Variants in DOCK7 observed in about 807,000 individuals in gnomAD.
DOCK7 encodes the protein dedicator of cytokinesis protein 7.
A neutral mutation model predicts 271.0 loss-of-function variants in DOCK7; 138 were observed. The ratio of observed to expected loss-of-function variants is 0.51; its 90% confidence interval spans 0.44 to 0.59. The LOEUF is 0.59. Among genes scored for constraint, DOCK7 ranks in the 20% least tolerant of loss-of-function variants. DOCK7 has a pLI of 0.00. For synonymous variants in DOCK7, 823 were observed against 876.1 expected (o/e 0.94, Z 1.07); for missense variants, 2,066 against 2,592.4 (o/e 0.80, Z 4.41).
rs557457188 is a variant in DOCK7, at chr1:62,515,226, C to T, written c.3937-1328G>A. On this transcript the variant is annotated intron_variant, in intron 31 of 49. Coordinates refer to ENST00000635253, the MANE Select transcript of DOCK7 (RefSeq NM_001367561.1). ...AACACAGAAAGTGTGGCTCCCGAGACACAAGCTCCAAGCTCATATCCACTT... is the reference window on the plus strand; with the variant it reads ...AACACAGAAAGTGTGGCTCCCGAGATACAAGCTCCAAGCTCATATCCACTT... 9.2e-5 allele frequency among the ~76,000 whole-genome samples: 14 copies of T among 151,666 alleles called. No individual in the cohort carries two copies. In the South Asian group the frequency reaches 2.9e-3, roughly 32 times the overall value.
chr1:62,593,055 TA>T (rs1648694665), intron 14 of DOCK7, among the ~76,000 whole-genome samples: 1 of 152,278 alleles, frequency 6.6e-6, no homozygotes, highest in South Asian at 2.1e-4. Context: ...GTGGTAACTC[TA>T]TAGACATTCA....
intron 18 of DOCK7, among the ~76,000 whole-genome samples, chr1:62,574,028 C>A (rs1646867513): frequency 6.6e-6 from 1 of 152,096 alleles, no homozygotes; most frequent in Non-Finnish European, 1.5e-5. Flanking sequence ...CTGTAAGGAA[C>A]GGCATTTTGA....
chr1:62,545,457 C>T (rs571818965), intron 22 of DOCK7, among the ~76,000 whole-genome samples: 111 of 152,170 alleles, frequency 7.3e-4, no homozygotes, highest in African/African-American at 2.6e-3. Flanking sequence ...ACTTTAATTT[C>T]ATTCCATCTC....
intron 18 of DOCK7, among the ~76,000 whole-genome samples, chr1:62,570,263 C>G (rs1646726974): frequency 6.6e-6 from 1 of 152,050 alleles, no homozygotes; most frequent in Non-Finnish European, 1.5e-5. Context: ...CAACAACAGA[C>G]AAGAAAAGAG....
intron 8 of DOCK7, 76 bp downstream of exon 8, chr1:62,636,461 T>C (rs1034959982): frequency 1.6e-5 from 19 of 1,167,216 alleles, no homozygotes; most frequent in African/African-American, 1.6e-4. Flanking sequence ...TCAAAAAAAA[T>C]CAATCTTATA....
chr1:62,612,688 G>A (rs1382221128), intron 14 of DOCK7, among the ~76,000 whole-genome samples: 1 of 152,066 alleles, frequency 6.6e-6, no homozygotes, highest in African/African-American at 2.4e-5. Flanking sequence ...AGAGAAAATA[G>A]ATTTACTAAA....
chr1:62,610,606 T>A (rs1265761132), intron 14 of DOCK7, among the ~76,000 whole-genome samples: 1 of 152,102 alleles, frequency 6.6e-6, no homozygotes, highest in African/African-American at 2.4e-5. Context: ...CCTAATGCTA[T>A]CCCTCCCCTA....
chr1:62,592,863 G>A (rs995815566), intron 14 of DOCK7, among the ~76,000 whole-genome samples: 1 of 152,088 alleles, frequency 6.6e-6, no homozygotes, highest in South Asian at 2.1e-4. Flanking sequence ...AAAAGCAATC[G>A]TAAGTTACAA....
chr1:62,672,124 T>A (rs1390630323), intron 1 of DOCK7, among the ~76,000 whole-genome samples: 10 of 152,148 alleles, frequency 6.6e-5, no homozygotes, highest in Non-Finnish European at 1.2e-4. Context: ...CCAGTCTTAT[T>A]CCCTAGATGT....
At chr1:62,631,486 A>G in intron 10 of DOCK7, 81 bp from the exon 11 acceptor site, 1 of 1,224,612 alleles carries the variant, frequency 8.2e-7, no homozygotes, top group Non-Finnish European at 1.1e-6. Context: ...CATAAAGGAA[A>G]AGGATGAGAA....
At chr1:62,478,648 G>A (rs1457758239) in intron 43 of DOCK7, 2 of 152,064 alleles carry the variant, frequency 1.3e-5, no homozygotes, top group African/African-American at 4.8e-5. Context: ...CCTGGCCTCA[G>A]GTGATCTACC....
Position 62,629,904 on chromosome 1 carries a change from A to G in DOCK7, c.1282+1336T>C, listed in dbSNP as rs140580571. 6.8e-4 allele frequency among the ~76,000 whole-genome samples: 104 copies of G among 152,362 alleles called. No individual in the cohort carries two copies. The East Asian group carries it at 0.019, about 28-fold the overall frequency. The stretch of plus-strand genomic sequence containing the variant: ...ATATTAAACATTCAAATAAATGTGC[A>G]CTGTACATACATTTAAGAAAGATTA... On this transcript the variant is annotated intron_variant, in intron 11 of 49. Transcript: ENST00000635253.
chr1:62,646,396 A>C (rs1301075767), intron 7 of DOCK7, among the ~76,000 whole-genome samples: 1 of 152,160 alleles, frequency 6.6e-6, no homozygotes, highest in Non-Finnish European at 1.5e-5. Flanking sequence ...GAAATGTATC[A>C]TCCCCCAAAA....
At chr1:62,600,970 T>C (rs923048608) in intron 14 of DOCK7, 16 of 710,628 alleles carry the variant, frequency 2.3e-5, no homozygotes, top group African/African-American at 1.6e-4. Context: ...TCAAACACCG[T>C]TATAACATTA....
At chr1:62,667,845 C>T (rs1659495207) in intron 1 of DOCK7, among the ~76,000 whole-genome samples, 1 of 152,118 alleles carries the variant, frequency 6.6e-6, no homozygotes, top group South Asian at 2.1e-4. Flanking sequence ...TGGTGAAACC[C>T]CGTCTCTACG....
intron 22 of DOCK7, among the ~76,000 whole-genome samples, chr1:62,545,855 A>G (rs565614433): frequency 1.3e-5 from 2 of 152,260 alleles, no homozygotes; most frequent in East Asian, 3.9e-4. Flanking sequence ...TCTATTTCCT[A>G]AAACTGACTG....
At chr1:62,469,643 G>A (rs1645773459) in intron 48 of DOCK7, among the ~76,000 whole-genome samples, 1 of 152,206 alleles carries the variant, frequency 6.6e-6, no homozygotes, top group Non-Finnish European at 1.5e-5. Context: ...CAGAGTGGGA[G>A]AAAATCTTCA....
At chr1:62,593,736 A>G (rs1396187023) in intron 14 of DOCK7, among the ~76,000 whole-genome samples, 1 of 152,188 alleles carries the variant, frequency 6.6e-6, no homozygotes, top group Non-Finnish European at 1.5e-5. Context: ...ACACTGTCCA[A>G]AAAGACGGTC....
At position 62,655,430 on chromosome 1, in the gene DOCK7, T is replaced by C. The variant is rs1254146612; in HGVS notation, c.145-1271A>G. Among the ~76,000 whole-genome samples, 9 of 148,656 alleles carry C rather than the reference T, an allele frequency of 6.1e-5. No individual in the cohort carries two copies. The South Asian group carries it at 6.3e-4, about 10-fold the overall frequency. On this transcript the variant is annotated intron_variant, in intron 2 of 49. Transcript: ENST00000635253. ...CTGAACTTTTTTTTTCTTTTCTTTT[T>C]TTTTTTTTTTTTGAGACGGGCTCTT...
Sources: allele counts gnomAD v4.1 joint callset (sites outside exome capture counted in the v4.1 genomes callset), GRCh38; gene constraint gnomAD v4.1.1; transcripts MANE v1.5; gene names NCBI Gene and HGNC (gene_info 2026-07-23, HGNC 2026-07-21).